NEGR1: variants seen among roughly 807,000 people sequenced by gnomAD.
NEGR1 encodes IgLON family member 4.
In NEGR1, 10 loss-of-function variants were observed where a neutral mutation model predicts 40.9. The ratio of observed to expected loss-of-function variants is 0.24; its 90% CI spans 0.15 to 0.42. The LOEUF is 0.42. Ranked by LOEUF, NEGR1 falls within the 10% of genes least tolerant of loss-of-function variation. The pLI, the probability that NEGR1 is intolerant of heterozygous loss-of-function variation, is 1.00. For synonymous variants in NEGR1, 185 were observed against 166.8 expected (o/e 1.11, Z -0.84); for missense variants, 352 against 438.9 (o/e 0.80, Z 1.77).
rs57576840 is a variant in NEGR1, at chr1:71,780,040, C to CAAAAAAAAAAAAAA, written c.410-3757_410-3744dup. Among the ~76,000 whole-genome samples, 985 of 99,700 alleles carry CAAAAAAAAAAAAAA rather than the reference C, an allele frequency of 9.9e-3. 5 individuals are homozygous for CAAAAAAAAAAAAAA. The highest frequency in any genetic ancestry group is 0.011 in the Non-Finnish European group (626 of 55,496). 65.4% of individuals were successfully genotyped at this position (99,700 alleles called of 152,430 possible). On this transcript the variant is annotated intron_variant, in intron 2 of 6. Transcript: ENST00000357731. ...GTGCTAAGCACTTGCATAGGAAAAC[C>CAAAAAAAAAAAAAA]AAAAAAAAAAAAAAAAAAAAAAAAA...
intron 6 of NEGR1, among the ~76,000 whole-genome samples, chr1:71,473,130 TGATAA>T (rs1210736002): frequency 7.9e-5 from 12 of 152,202 alleles, no homozygotes; most frequent in East Asian, 5.8e-4. Flanking sequence ...AAGTAATACC[TGATAA>T]GATAACAGTT....
In NEGR1 at chr1:71,399,459, GATTA is replaced by G. The variant is rs1359220022; in HGVS notation, c.*7983_*7986del. ...GTATTTACAGCAGGTGCCATCTTCT[GATTA>G]ATTAAATCACAAGATGTTCCTTATG... On this transcript the variant is annotated 3_prime_UTR_variant, in exon 7 of 7. Coordinates refer to ENST00000357731, the MANE Select transcript of NEGR1 (RefSeq NM_173808.3). 1 of 152,108 alleles carries G rather than the reference GATTA, an allele frequency of 6.6e-6. No homozygotes were observed. The highest frequency in any genetic ancestry group is 1.5e-5 in the Non-Finnish European group (1 of 68,018). The allele number at this position is 152,108 out of a possible 1,614,324, so 9.4% of individuals were successfully genotyped here.
intron 6 of NEGR1, among the ~76,000 whole-genome samples, chr1:71,592,354 T>C (rs1166194881): frequency 6.6e-6 from 1 of 152,166 alleles, no homozygotes; most frequent in African/African-American, 2.4e-5. Context: ...ATTTTGTCCA[T>C]GATCATTTAC....
chr1:72,098,975 C>T (rs904589994), intron 1 of NEGR1, among the ~76,000 whole-genome samples: 5 of 151,706 alleles, frequency 3.3e-5, no homozygotes, highest in East Asian at 1.9e-4. Flanking sequence ...TACTAAAATT[C>T]GCAGCAATGT....
chr1:71,903,047 T>C (rs998217366), intron 2 of NEGR1, among the ~76,000 whole-genome samples: 1 of 135,058 alleles, frequency 7.4e-6, no homozygotes, highest in Non-Finnish European at 1.6e-5. Context: ...TCTATAAAAT[T>C]CAGTTTTATC....
At chr1:71,717,740 T>C (rs1389669189) in intron 3 of NEGR1, among the ~76,000 whole-genome samples, 1 of 152,222 alleles carries the variant, frequency 6.6e-6, no homozygotes, top group Non-Finnish European at 1.5e-5. Flanking sequence ...TGTAACTATA[T>C]TTGCTGGTAG....
intron 2 of NEGR1, among the ~76,000 whole-genome samples, chr1:71,796,436 AAC>A: frequency 6.6e-6 from 1 of 152,180 alleles, no homozygotes; most frequent in Non-Finnish European, 1.5e-5. Flanking sequence ...ATAATCGAGA[AAC>A]AGGTTTTGAT....
chr1:71,552,532 A>G (rs1336438887), intron 6 of NEGR1, among the ~76,000 whole-genome samples: 1 of 147,958 alleles, frequency 6.8e-6, no homozygotes, highest in Non-Finnish European at 1.5e-5. Flanking sequence ...TATAGAATAT[A>G]TATAGGATAT....
At chr1:71,788,640 G>C (rs891062483) in intron 2 of NEGR1, among the ~76,000 whole-genome samples, 1 of 151,778 alleles carries the variant, frequency 6.6e-6, no homozygotes, top group Non-Finnish European at 1.5e-5. Flanking sequence ...TATTGCCTTA[G>C]ATCTACAGTT....
At chr1:71,953,189 A>G (rs1646087426) in intron 1 of NEGR1, among the ~76,000 whole-genome samples, 1 of 152,010 alleles carries the variant, frequency 6.6e-6, no homozygotes, top group Non-Finnish European at 1.5e-5. Flanking sequence ...TTCCACAGAT[A>G]GTGATTTCTC....
At chr1:71,577,718 C>T (rs993863622) in intron 6 of NEGR1, among the ~76,000 whole-genome samples, 5 of 152,292 alleles carry the variant, frequency 3.3e-5, no homozygotes, top group African/African-American at 1.2e-4. Flanking sequence ...TGTCTCTTTG[C>T]TGAACTCTCC....
chr1:72,199,116 T>A (rs1653104885), intron 1 of NEGR1, among the ~76,000 whole-genome samples: 1 of 150,636 alleles, frequency 6.6e-6, no homozygotes, highest in African/African-American at 2.5e-5. Flanking sequence ...TCATATAGTA[T>A]TTAGTACATT....
intron 6 of NEGR1, among the ~76,000 whole-genome samples, chr1:71,572,328 A>G (rs944207868): frequency 6.6e-6 from 1 of 152,214 alleles, no homozygotes; most frequent in Admixed American, 6.5e-5. Context: ...GAGGACAAGT[A>G]AACAGCTGAA....
intron 1 of NEGR1, among the ~76,000 whole-genome samples, chr1:71,972,889 T>G (rs1646269094): frequency 6.6e-6 from 1 of 152,134 alleles, no homozygotes; most frequent in Admixed American, 6.5e-5. Flanking sequence ...TGAGATGCAA[T>G]AAACACGGTT....
At chr1:71,795,763 T>C (rs975740658) in intron 2 of NEGR1, among the ~76,000 whole-genome samples, 1 of 152,104 alleles carries the variant, frequency 6.6e-6, no homozygotes, top group Non-Finnish European at 1.5e-5. Context: ...AAAAAGCCAG[T>C]TGGGAAAGAA....
At chr1:71,489,437 C>A (rs921155958) in intron 6 of NEGR1, among the ~76,000 whole-genome samples, 4 of 151,686 alleles carry the variant, frequency 2.6e-5, no homozygotes, top group African/African-American at 9.7e-5. Context: ...CTAATAAATC[C>A]CGTTTTGTGT....
chr1:72,123,645 G>T (rs1029251667), intron 1 of NEGR1, among the ~76,000 whole-genome samples: 4 of 151,710 alleles, frequency 2.6e-5, no homozygotes, highest in African/African-American at 9.7e-5. Context: ...GGGAGGACAT[G>T]TCATAGGTAA....
At chr1:71,897,555 A>G (rs933479987) in intron 2 of NEGR1, among the ~76,000 whole-genome samples, 56 of 152,206 alleles carry the variant, frequency 3.7e-4, no homozygotes, top group African/African-American at 1.2e-3. Context: ...GTAAGTTTGT[A>G]TTTCATATTT....
intron 6 of NEGR1, among the ~76,000 whole-genome samples, chr1:71,418,277 A>G (rs1646369899): frequency 6.6e-6 from 1 of 151,406 alleles, no homozygotes; most frequent in South Asian, 2.1e-4. Flanking sequence ...AAAATGGTAA[A>G]CCACCTGTGC....
Sources: allele counts gnomAD v4.1 joint callset (sites outside exome capture counted in the v4.1 genomes callset), GRCh38; gene constraint gnomAD v4.1.1; transcripts MANE v1.5; gene names NCBI Gene and HGNC (gene_info 2026-07-23, HGNC 2026-07-21).